Variants in PRPF6 observed in about 807,000 individuals in gnomAD.
The protein encoded by PRPF6 is pre-mRNA processing factor 6, also known as pre-mRNA-processing factor 6.
Under a neutral mutation model 118.3 loss-of-function variants are expected in PRPF6, and 42 were observed. That is an observed-to-expected ratio of 0.35 (90% CI 0.28 to 0.46). The LOEUF (loss-of-function observed/expected upper bound fraction) is 0.46. PRPF6 is among the 20% of genes least tolerant of loss of function. The pLI is 1.00. For missense variants in PRPF6, 662 were observed against 1,255.7 expected, an observed-to-expected ratio of 0.53 and a Z score of 7.15; for synonymous variants, 481 against 485.1, an observed-to-expected ratio of 0.99 and a Z score of 0.11.
intron 11 of PRPF6, among the ~76,000 whole-genome samples, chr20:64,016,281 C>T (rs2059237844): frequency 6.6e-6 from 1 of 152,066 alleles, no homozygotes; most frequent in East Asian, 1.9e-4. Context: ...CACCACCACG[C>T]CTGGCTAATT....
Position 64,020,785 on chromosome 20 carries a change from A to ATT in PRPF6, c.1648-1954_1648-1953dup, listed in dbSNP as rs10670252. On this transcript the variant is annotated intron_variant, in intron 12 of 20. Transcript: ENST00000266079. ...TCGTGGTAAATATATACTATACCTAATTTTTTTTTTTTTTTTTTTGAGACA... is the reference window on the plus strand; with the variant it reads ...TCGTGGTAAATATATACTATACCTAATTTTTTTTTTTTTTTTTTTTTGAGACA... 8.0e-3 allele frequency among the ~76,000 whole-genome samples: 1,078 copies of ATT among 134,108 alleles called. 29 individuals carry two copies. Among genetic ancestry groups the ATT allele is most frequent in the African/African-American group, 0.02 (711 of 35,856 alleles). 88.0% of individuals were successfully genotyped at this position (134,108 alleles called of 152,430 possible).
chr20:63,994,842 A>T, intron 4 of PRPF6, 74 bp from the exon 5 acceptor site: 12 of 1,588,266 alleles, frequency 7.6e-6, no homozygotes, highest in Non-Finnish European at 1.0e-5. Flanking sequence ...TAGGGGTGAG[A>T]GAGGGCATGG....
chr20:63,984,343 C>T (rs940428492), intron 2 of PRPF6, among the ~76,000 whole-genome samples: 2 of 151,978 alleles, frequency 1.3e-5, no homozygotes, highest in African/African-American at 4.8e-5. Context: ...ATGCTGTGAA[C>T]CCGGGAGGCG....
chr20:63,992,436 A>G (rs958428007), intron 3 of PRPF6, among the ~76,000 whole-genome samples: 5 of 151,244 alleles, frequency 3.3e-5, no homozygotes, highest in Admixed American at 3.3e-4. Flanking sequence ...TAATTTTCAT[A>G]TTTTTAGTAT....
intron 3 of PRPF6, among the ~76,000 whole-genome samples, chr20:63,991,235 G>A (rs1555916761): frequency 6.6e-6 from 1 of 151,890 alleles, no homozygotes; most frequent in African/African-American, 2.4e-5. Flanking sequence ...ACCAGCCTGG[G>A]CAACATGGTG....
At position 64,028,036 on chromosome 20, in the gene PRPF6, G is replaced by C. The variant is rs1307222724; in HGVS notation, c.2339+300G>C. On this transcript the variant is annotated intron_variant, in intron 17 of 20. Coordinates refer to ENST00000266079, the MANE Select transcript of PRPF6 (RefSeq NM_012469.4). The surrounding 1 kb of genome is among the most constrained non-coding windows in gnomAD (Gnocchi z 6.5). ...GGGAAGGATGGACCCCGGAGAGCCA[G>C]CTCCACAGAGGAGGTGGCGTGGAGA... Among the ~76,000 whole-genome samples, 1 of 152,206 alleles carries C rather than the reference G, an allele frequency of 6.6e-6. No homozygotes were observed. The highest frequency in any genetic ancestry group is 1.5e-5 in the Non-Finnish European group (1 of 68,030).
rs2059078390 is a variant in PRPF6 at position 63,983,080 on chromosome 20, G to A, written c.105G>A (p.Gly35=). 1 of 1,614,202 alleles carries A rather than the reference G, an allele frequency of 6.2e-7. No individual in the cohort carries two copies. Among genetic ancestry groups the A allele is most frequent in the South Asian group, 1.1e-5 (1 of 91,074 alleles). Residue 35 remains glycine, a synonymous_variant, in exon 2 of 21, where the codon GGG becomes GGA. Coordinates refer to ENST00000266079, the MANE Select transcript of PRPF6 (RefSeq NM_012469.4). ...GCTTCACCACGCGGTCAGACATTGG[G>A]CCCGCCCGTGATGCAAATGACCCTG... ...ATGFTTRSDI[G]PARDANDPVD... is the part of the protein sequence containing the mutation.
chr20:63,983,678 G>C (rs1235986488), intron 2 of PRPF6, among the ~76,000 whole-genome samples: 26 of 147,692 alleles, frequency 1.8e-4, no homozygotes, highest in African/African-American at 6.5e-4. Flanking sequence ...TTTTGAGACG[G>C]ACTTTCGCTC....
chr20:64,003,804 T>C (rs2059178289), intron 9 of PRPF6, among the ~76,000 whole-genome samples: 2 of 152,172 alleles, frequency 1.3e-5, no homozygotes, highest in Non-Finnish European at 1.5e-5. Context: ...TTCACCATGT[T>C]AGCCAGGATG....
chr20:63,988,236 C>G (rs893171684), intron 3 of PRPF6, among the ~76,000 whole-genome samples: 1 of 151,694 alleles, frequency 6.6e-6, no homozygotes, highest in Non-Finnish European at 1.5e-5. Context: ...AAGAGAATTG[C>G]TTGAACCTAG....
intron 9 of PRPF6, among the ~76,000 whole-genome samples, chr20:64,007,499 T>C (rs548210769): frequency 6.7e-5 from 10 of 149,456 alleles, no homozygotes; most frequent in Non-Finnish European, 1.0e-4. Flanking sequence ...CTCCCTCTTT[T>C]GCCTAGGCTG....
Position 64,028,279 on chromosome 20 carries a change from G to C in PRPF6, c.2340-199G>C, listed in dbSNP as rs905692165. Among the ~76,000 whole-genome samples, 5 of 152,236 alleles carry C rather than the reference G, an allele frequency of 3.3e-5. No homozygotes were observed. The highest frequency in any genetic ancestry group is 1.2e-4 in the African/African-American group (5 of 41,464). On this transcript the variant is annotated intron_variant, in intron 17 of 20. Transcript: ENST00000266079. This position sits in a 1 kb window ranked among gnomAD's most constrained non-coding sequence, Gnocchi z 6.5. ...CGTCAGGATCTGAGGTCTTGCCTTG[G>C]GGCGGTTGCCAGTGGGGCTGGCAGG...
chr20:64,016,953 T>C (rs2059241163), intron 12 of PRPF6, 108 bp downstream of exon 12: 1 of 1,433,064 alleles, frequency 7.0e-7, no homozygotes, highest in Non-Finnish European at 9.6e-7. Flanking sequence ...TTTTTTTTTT[T>C]TAAATCTGAG....
intron 20 of PRPF6, among the ~76,000 whole-genome samples, chr20:64,032,393 C>T (rs1449960517): frequency 6.6e-6 from 1 of 152,208 alleles, no homozygotes; most frequent in Admixed American, 6.5e-5. Flanking sequence ...TGGGCCTGAG[C>T]CTGAGTGTGG....
chr20:64,011,576 C>G lies in PRPF6; in HGVS notation c.1524+73C>G. The G allele has an allele frequency of 6.7e-7, 1 of 1,487,590 alleles. No homozygotes were observed. The highest frequency in any genetic ancestry group is 2.0e-5 in the Admixed American group (1 of 51,132). The allele number at this position is 1,487,590 out of a possible 1,614,324, so 92.1% of individuals were successfully genotyped here. ...CAGCACGTGAGAGTCCCACGCAGGACTGGGGGTTGCTGGATGGTACTGGGG... is the reference window on the plus strand; with the variant it reads ...CAGCACGTGAGAGTCCCACGCAGGAGTGGGGGTTGCTGGATGGTACTGGGG... On this transcript the variant is annotated intron_variant, in intron 11 of 20. Coordinates refer to ENST00000266079, the MANE Select transcript of PRPF6 (RefSeq NM_012469.4). The surrounding 1 kb of genome is among the most constrained non-coding windows in gnomAD (Gnocchi z 6.7).
chr20:63,999,234 C>T, intron 7 of PRPF6, 95 bp downstream of exon 7: 1 of 1,015,740 alleles, frequency 9.8e-7, no homozygotes, highest in Non-Finnish European at 1.5e-6. Flanking sequence ...CAAAATGGGA[C>T]ATGGCGGTTC....
chr20:63,995,511 G>T, intron 6 of PRPF6, 29 bp downstream of exon 6: 1 of 1,613,512 alleles, frequency 6.2e-7, no homozygotes, highest in East Asian at 2.2e-5. Flanking sequence ...ATTTTCCTGT[G>T]GACAGGTTTA....
chr20:64,026,075 A>AGGGCT lies in PRPF6; in HGVS notation c.2028+22_2028+26dup. On this transcript the variant is annotated intron_variant, in intron 15 of 20. Coordinates refer to ENST00000266079, the MANE Select transcript of PRPF6 (RefSeq NM_012469.4). The surrounding 1 kb of genome is among the most constrained non-coding windows in gnomAD (Gnocchi z 4.4). ...ACCGCCCGGGTACGCAGTGGCAGGC[A>AGGGCT]GGGCTGGGCCGTCTGGGGTGCATGG... The AGGGCT allele has an allele frequency of 3.1e-6, 5 of 1,600,714 alleles. No homozygotes were observed. The highest frequency in any genetic ancestry group is 4.2e-6 in the Non-Finnish European group (5 of 1,179,504).
chr20:64,014,726 C>T (rs1398176828), intron 11 of PRPF6, among the ~76,000 whole-genome samples: 1 of 152,214 alleles, frequency 6.6e-6, no homozygotes, highest in African/African-American at 2.4e-5. Context: ...CTGAACTTTA[C>T]AGCTTAGCCT....
Sources: allele counts gnomAD v4.1 joint callset (sites outside exome capture counted in the v4.1 genomes callset), GRCh38; gene constraint gnomAD v4.1.1; non-coding constraint Gnocchi (gnomAD v3.1); transcripts MANE v1.5; gene names NCBI Gene and HGNC (gene_info 2026-07-23, HGNC 2026-07-21).